Variants in DPEP3 observed in about 807,000 individuals in gnomAD.
The protein encoded by DPEP3 is dipeptidase 3, also known as membrane-bound dipeptidase 3.
A neutral mutation model predicts 47.5 loss-of-function variants in DPEP3; 42 were observed. The observed-to-expected ratio is 0.88, with a 90% confidence interval of 0.69 to 1.14. The LOEUF (loss-of-function observed/expected upper bound fraction) is 1.14, where lower values mean the gene tolerates loss of function less well. Among genes scored for constraint, DPEP3 ranks in the 50% most tolerant of loss-of-function variants. DPEP3 has a pLI of 0.00. For missense variants in DPEP3, 560 were observed against 635.0 expected, an observed-to-expected ratio of 0.88 and a Z score of 1.27; for synonymous variants, 276 against 270.2, an observed-to-expected ratio of 1.02 and a Z score of -0.21.
In DPEP3 at chr16:67,977,369, G is replaced by C; in HGVS notation, c.934-15C>G. On this transcript the variant is annotated splice_polypyrimidine_tract_variant and intron_variant, in intron 6 of 9. Transcript: ENST00000268793. ...CCGTTCTTCTTCTAGAGGGATAAAG[G>C]GATACTCATCTCAGCCCTTCTGGCC... 1 of 1,612,408 alleles carries C rather than the reference G, an allele frequency of 6.2e-7. No homozygotes were observed. Among genetic ancestry groups the C allele is most frequent in the African/African-American group, 1.3e-5 (1 of 75,002 alleles).
chr16:67,978,927 C>T lies in DPEP3; in HGVS notation c.415-301G>A, dbSNP rs1374293867. ...CTGCCTCAGCCTCCCAAAGTGTTGG[C>T]ATTACAGATGTGAACTACCGAGCCT... On this transcript the variant is annotated intron_variant, in intron 2 of 9. Coordinates refer to ENST00000268793, the MANE Select transcript of DPEP3 (RefSeq NM_001370198.1). The surrounding 1 kb of genome is among the most constrained non-coding windows in gnomAD (Gnocchi z 4.4). 1.3e-5 allele frequency among the ~76,000 whole-genome samples: 2 copies of T among 152,124 alleles called. No homozygotes were observed. The highest frequency in any genetic ancestry group is 4.8e-5 in the African/African-American group (2 of 41,422).
chr16:67,979,907 G>C (rs927855313), intron 1 of DPEP3, 142 bp from the exon 2 acceptor site: 3 of 1,426,120 alleles, frequency 2.1e-6, no homozygotes, highest in Admixed American at 4.5e-5. Flanking sequence ...GTTGGAGGGA[G>C]GGGGTTAGAT....
rs1378797371 is a variant in DPEP3 at position 67,980,183 on chromosome 16, G to A, written c.198C>T (p.Thr66=). ...TTPGVPSALT[T]PGLTTPGTPK... is the part of the protein sequence containing the mutation. ...GGGTGCCTGGCGTAGTGAGGCCTGGGGTAGTGAGGGCGCTGGGGACACCCG... is the reference window on the plus strand; with the variant it reads ...GGGTGCCTGGCGTAGTGAGGCCTGGAGTAGTGAGGGCGCTGGGGACACCCG... The change falls in exon 1 of 10, where the codon ACC becomes ACT. Residue 66 remains threonine (T), a synonymous_variant. Coordinates refer to ENST00000268793, the MANE Select transcript of DPEP3 (RefSeq NM_001370198.1). 2 of 1,611,632 alleles carry A rather than the reference G, an allele frequency of 1.2e-6. No individual in the cohort carries two copies. The highest frequency in any genetic ancestry group is 1.7e-6 in the Non-Finnish European group (2 of 1,178,930).
In DPEP3 at chr16:67,978,759, G is replaced by A. The variant is rs1035878428; in HGVS notation, c.415-133C>T. The A allele has an allele frequency of 3.1e-6, 3 of 972,900 alleles. No homozygotes were observed. The highest frequency in any genetic ancestry group is 4.6e-6 in the Non-Finnish European group (3 of 658,686). The allele number at this position is 972,900 out of a possible 1,614,324, so 60.3% of individuals were successfully genotyped here. ...AAGTGAGGCACTACATGACTCCATGGTACCTTGATGACTTTTTTTAAAATT... is the reference window on the plus strand; with the variant it reads ...AAGTGAGGCACTACATGACTCCATGATACCTTGATGACTTTTTTTAAAATT... On this transcript the variant is annotated intron_variant, in intron 2 of 9. Transcript: ENST00000268793. The surrounding 1 kb of genome is among the most constrained non-coding windows in gnomAD (Gnocchi z 4.4).
chr16:67,979,883 C>T, intron 1 of DPEP3, 118 bp from the exon 2 acceptor site: 1 of 1,472,428 alleles, frequency 6.8e-7, no homozygotes, highest in Non-Finnish European at 9.1e-7. Flanking sequence ...CATATAGAGA[C>T]CTCCTGAGGT....
intron 7 of DPEP3, among the ~76,000 whole-genome samples, chr16:67,976,993 C>A (rs137915233): frequency 1.6e-4 from 24 of 152,278 alleles, no homozygotes; most frequent in African/African-American, 5.3e-4. Context: ...CCTCTGGGTT[C>A]CTTGAGAGCC....
rs758294250 is a variant in DPEP3, at chr16:67,980,264, C to T, written c.117G>A (p.Thr39=). 1.9e-6 allele frequency: 3 copies of T among 1,596,938 alleles called. No homozygotes were observed. Among genetic ancestry groups the T allele is most frequent in the South Asian group, 2.2e-5 (2 of 89,576 alleles). ...LRQPVTRAET[T]PGAPRALSTL... ...TGGAGAGGGCTCTGGGGGCGCCCGGCGTGGTCTCCGCGCGGGTTACGGGCT... is the reference window on the plus strand; with the variant it reads ...TGGAGAGGGCTCTGGGGGCGCCCGGTGTGGTCTCCGCGCGGGTTACGGGCT... The change falls in exon 1 of 10, where the codon ACG becomes ACA. Residue 39 remains threonine, a synonymous_variant. Transcript: ENST00000268793.
At position 67,979,639 on chromosome 16, in the gene DPEP3, C is replaced by G. The variant is rs1267043160; in HGVS notation, c.414G>C (p.Gln138His). The G allele has an allele frequency of 5.0e-6, 8 of 1,613,644 alleles. No homozygotes were observed. The highest frequency in any genetic ancestry group is 6.8e-6 in the Non-Finnish European group (8 of 1,179,954). Reference sequence around the variant, plus strand: ...GGCACCCTGTGTGTCCCTGTGGTACCTGGGCACCCACGAGGCCGTCTCTAA... The same window carrying G: ...GGCACCCTGTGTGTCCCTGTGGTACGTGGGCACCCACGAGGCCGTCTCTAA... ...DRLRDGLVGA[Q>H]FWSASVSCQS... is the part of the protein sequence containing the mutation. Residue 138 changes from glutamine (Q) to histidine (H), a missense_variant and splice_region_variant, in exon 2 of 10, where the codon CAG becomes CAC. Transcript: ENST00000268793.
chr16:67,979,750 G>A lies in DPEP3; in HGVS notation c.303C>T (p.Pro101=), dbSNP rs1394928238. The change falls in exon 2 of 10, where the codon CCC becomes CCT. Residue 101 remains proline (P), a synonymous_variant. Coordinates refer to ENST00000268793, the MANE Select transcript of DPEP3 (RefSeq NM_001370198.1). ...TCTTGTAACGCTGTCTCAGGACCTGGGGCAGGTCATTGTGGCTGGGGGTGT... is the reference window on the plus strand; with the variant it reads ...TCTTGTAACGCTGTCTCAGGACCTGAGGCAGGTCATTGTGGCTGGGGGTGT... The part of the protein sequence containing the change: ...FPLVDGHNDL[P]QVLRQRYKNV... 2 of 1,613,874 alleles carry A rather than the reference G, an allele frequency of 1.2e-6. No homozygotes were observed. The highest frequency in any genetic ancestry group is 3.3e-5 in the Admixed American group (2 of 59,990).
Position 67,978,050 on chromosome 16 carries a change from T to G in DPEP3, c.687-43A>C. ...AAGGGCAATTTAGCTGATCACACCTTGGGCCATCACAGCCTGGGGGCCCTG... is the reference window on the plus strand; with the variant it reads ...AAGGGCAATTTAGCTGATCACACCTGGGGCCATCACAGCCTGGGGGCCCTG... On this transcript the variant is annotated intron_variant, in intron 4 of 9. Transcript: ENST00000268793. The surrounding 1 kb of genome is among the most constrained non-coding windows in gnomAD (Gnocchi z 4.4). 1 of 1,611,452 alleles carries G rather than the reference T, an allele frequency of 6.2e-7. No homozygotes were observed. The highest frequency in any genetic ancestry group is 8.5e-7 in the Non-Finnish European group (1 of 1,177,716).
rs1567434968 is a variant in DPEP3 at position 67,979,700 on chromosome 16, C to T, written c.353G>A (p.Arg118Gln). 8.1e-6 allele frequency: 13 copies of T among 1,614,116 alleles called. No homozygotes were observed. Among genetic ancestry groups the T allele is most frequent in the East Asian group, 2.2e-5 (1 of 44,884 alleles). The stretch of plus-strand genomic sequence containing the variant: ...GCTGGTCTGACCATGGCTGAAATTT[C>T]GCAGGTTAACATCCTGAAGCACATT... ...YKNVLQDVNLRNFSHGQTSLD... is the reference protein window; with the variant it reads ...YKNVLQDVNLQNFSHGQTSLD... Residue 118 changes from arginine (R) to glutamine (Q), a missense_variant, in exon 2 of 10, where the codon CGA becomes CAA. Arg to Gln is a conservative substitution (Grantham distance 43). Transcript: ENST00000268793.
At chr16:67,977,046 A>C (rs1298995281) in intron 7 of DPEP3, among the ~76,000 whole-genome samples, 2 of 152,170 alleles carry the variant, frequency 1.3e-5, no homozygotes, top group East Asian at 3.9e-4. Context: ...GTGGGGAATG[A>C]GAGAAGTTCA....
At position 67,978,671 on chromosome 16, in the gene DPEP3, C is replaced by A; in HGVS notation, c.415-45G>T. The A allele has an allele frequency of 1.2e-6, 2 of 1,606,040 alleles. No homozygotes were observed. The highest frequency in any genetic ancestry group is 2.2e-5 in the South Asian group (2 of 90,154). ...TCCAGAATGAGGCCAGGGCGGTCTTCAACCCCCTAGGCCTGCCACTCCTGC... is the reference window on the plus strand; with the variant it reads ...TCCAGAATGAGGCCAGGGCGGTCTTAAACCCCCTAGGCCTGCCACTCCTGC... On this transcript the variant is annotated intron_variant, in intron 2 of 9. Coordinates refer to ENST00000268793, the MANE Select transcript of DPEP3 (RefSeq NM_001370198.1). The surrounding 1 kb of genome is among the most constrained non-coding windows in gnomAD (Gnocchi z 4.4).
chr16:67,976,631 G>A, intron 8 of DPEP3, 69 bp downstream of exon 8: 1 of 1,463,748 alleles, frequency 6.8e-7, no homozygotes, highest in Middle Eastern at 1.7e-4. Context: ...AGGACGTCAG[G>A]ATGGGAATGA....
In DPEP3 at chr16:67,980,389, G is replaced by A. The variant is rs200300395; in HGVS notation, c.-9C>T. The stretch of plus-strand genomic sequence containing the variant: ...CGGCCCGTGGGCTGCATGTTGCGCG[G>A]GGGTCGGCCGCGGGAGCCTGGGAGG... On this transcript the variant is annotated 5_prime_UTR_variant, in exon 1 of 10. Transcript: ENST00000268793. 1.7e-3 allele frequency: 2,567 copies of A among 1,513,406 alleles called. 7 individuals are homozygous for A. Among genetic ancestry groups the A allele is most frequent in the Non-Finnish European group, 1.8e-3 (2,029 of 1,130,968 alleles). The allele number at this position is 1,513,406 out of a possible 1,614,324, so 93.7% of individuals were successfully genotyped here.
At position 67,978,011 on chromosome 16, in the gene DPEP3, C is replaced by A. The variant is rs775333144; in HGVS notation, c.687-4G>T. The A allele has an allele frequency of 1.9e-6, 3 of 1,613,884 alleles. No homozygotes were observed. Among genetic ancestry groups the A allele is most frequent in the Non-Finnish European group, 2.5e-6 (3 of 1,179,858 alleles). The stretch of plus-strand genomic sequence containing the variant: ...GAACTTGGTGGAACTCTCTGCCCTG[C>A]AGGACAGCCATGGAAGGGCAATTTA... On this transcript the variant is annotated splice_region_variant and splice_polypyrimidine_tract_variant and intron_variant, in intron 4 of 9. Transcript: ENST00000268793. The surrounding 1 kb of genome is among the most constrained non-coding windows in gnomAD (Gnocchi z 4.4).
In DPEP3 at chr16:67,976,228, C is replaced by G. The variant is rs765135066; in HGVS notation, c.1095G>C (p.Arg365=). 1.4e-5 allele frequency: 23 copies of G among 1,613,904 alleles called. No homozygotes were observed. The African/African-American group carries it at 2.1e-4, about 15-fold the overall frequency. The change falls in exon 9 of 10, where the codon CGG becomes CGC. Residue 365 remains arginine, a splice_region_variant and synonymous_variant. Transcript: ENST00000268793. Reference sequence around the variant, plus strand: ...ACACATCCTCCAGCCCCTGAGGGAACCTGTGTGGCCACCCACCAGCCAGCT... The same window carrying G: ...ACACATCCTCCAGCCCCTGAGGGAAGCTGTGTGGCCACCCACCAGCCAGCT... ...GIGGNYDGTG[R]FPQGLEDVST...
Position 67,975,780 on chromosome 16 carries a change from G to T in DPEP3, c.1452C>A (p.Thr484=), listed in dbSNP as rs1209456550. 2 of 1,612,998 alleles carry T rather than the reference G, an allele frequency of 1.2e-6. No individual in the cohort carries two copies. The highest frequency in any genetic ancestry group is 1.7e-5 in the Admixed American group (1 of 59,872). The change falls in exon 10 of 10, where the codon ACC becomes ACA. Residue 484 remains threonine, a synonymous_variant. Coordinates refer to ENST00000268793, the MANE Select transcript of DPEP3 (RefSeq NM_001370198.1). ...LVAAATIPTF[T]QWLC is the part of the protein sequence containing the mutation. ...ACCGACTGTGTCAGCAGAGCCACTG[G>T]GTGAAGGTTGGGATGGTGGCAGCAG...
Position 67,975,724 on chromosome 16 carries a change from G to A in DPEP3, c.*41C>T, listed in dbSNP as rs772023268. 6.4e-7 allele frequency: 1 copy of A among 1,558,614 alleles called. No homozygotes were observed. Among genetic ancestry groups the A allele is most frequent in the African/African-American group, 1.4e-5 (1 of 73,916 alleles). The stretch of plus-strand genomic sequence containing the variant: ...TGAATGAACTAGGAGAGGGGGCTTT[G>A]TGAGGCTTTGCCACAGTGACCTCTG... On this transcript the variant is annotated 3_prime_UTR_variant, in exon 10 of 10. Coordinates refer to ENST00000268793, the MANE Select transcript of DPEP3 (RefSeq NM_001370198.1).
Sources: gnomAD v4.1 joint callset for allele counts (sites outside exome capture counted in the v4.1 genomes callset) on GRCh38, gnomAD v4.1.1 for gene constraint, Gnocchi (gnomAD v3.1) non-coding constraint, MANE v1.5 for transcripts, NCBI Gene and HGNC (gene_info 2026-07-23, HGNC 2026-07-21) for gene names.